PRDM5: variants seen among roughly 807,000 people sequenced by gnomAD.
PRDM5 encodes PR domain zinc finger protein 5.
A neutral mutation model predicts 81.2 loss-of-function variants in PRDM5; 56 were observed. The observed-to-expected ratio is 0.69, with a 90% CI of 0.56 to 0.86. The LOEUF (loss-of-function observed/expected upper bound fraction) is 0.86. Ranked by LOEUF, PRDM5 falls within the 40% of genes least tolerant of loss-of-function variation. PRDM5 has a pLI of 0.00. For missense variants in PRDM5, 697 were observed against 770.1 expected (o/e 0.91, Z 1.12); for synonymous variants, 267 against 256.4 (o/e 1.04, Z -0.39).
chr4:120,712,059 A>G (rs1737069481), intron 14 of PRDM5, among the ~76,000 whole-genome samples: 2 of 151,890 alleles, frequency 1.3e-5, no homozygotes, highest in African/African-American at 4.8e-5. Flanking sequence ...GCCAAGGCGG[A>G]CGAATTATCT....
chr4:120,812,673 T>C (rs1754000651), intron 7 of PRDM5: 3 of 266,540 alleles, frequency 1.1e-5, no homozygotes, highest in Admixed American at 5.8e-5. Flanking sequence ...TGGTTATTAA[T>C]CACTTGTCAG....
intron 7 of PRDM5, 143 bp from the exon 8 acceptor site, chr4:120,811,592 TAA>T (rs1469879417): frequency 3.9e-6 from 2 of 517,012 alleles, no homozygotes; most frequent in Non-Finnish European, 6.8e-6. Flanking sequence ...TCATTAAACT[TAA>T]AGAGTAAGTT....
At chr4:120,804,612 A>C (rs1578802619) in intron 8 of PRDM5, among the ~76,000 whole-genome samples, 2 of 152,232 alleles carry the variant, frequency 1.3e-5, no homozygotes, top group African/African-American at 4.8e-5. Flanking sequence ...TGGGTACATA[A>C]CAAAATGAAG....
intron 3 of PRDM5, among the ~76,000 whole-genome samples, chr4:120,822,657 C>T (rs1755439687): frequency 6.6e-6 from 1 of 152,104 alleles, no homozygotes; most frequent in Non-Finnish European, 1.5e-5. Context: ...CTATATTCAA[C>T]ATTGTCTTAG....
chr4:120,750,097 A>C (rs961536816), intron 14 of PRDM5, among the ~76,000 whole-genome samples: 1 of 152,224 alleles, frequency 6.6e-6, no homozygotes, highest in Non-Finnish European at 1.5e-5. Context: ...TGACTGAAAA[A>C]GTAAATTTTT....
chr4:120,712,017 G>A (rs1737062217), intron 14 of PRDM5, among the ~76,000 whole-genome samples: 2 of 152,152 alleles, frequency 1.3e-5, no homozygotes, highest in Non-Finnish European at 2.9e-5. Flanking sequence ...TGGGCATGGT[G>A]GCTCATGCCT....
intron 8 of PRDM5, chr4:120,810,475 A>G (rs1753679841): frequency 6.6e-6 from 1 of 152,160 alleles, no homozygotes; most frequent in Non-Finnish European, 1.5e-5. Flanking sequence ...CTCAGTGCTC[A>G]TTTTAGCAGC....
At chr4:120,768,512 T>C (rs976850655) in intron 13 of PRDM5, among the ~76,000 whole-genome samples, 1 of 152,182 alleles carries the variant, frequency 6.6e-6, no homozygotes, top group Non-Finnish European at 1.5e-5. Context: ...CATGGGAAAC[T>C]GATAAGCAAA....
intron 3 of PRDM5, among the ~76,000 whole-genome samples, chr4:120,827,451 G>A (rs1162617256): frequency 6.6e-6 from 1 of 151,962 alleles, no homozygotes; most frequent in Non-Finnish European, 1.5e-5. Context: ...TAGAGGCAGG[G>A]GCACCAACAA....
At chr4:120,831,900 G>C (rs1756764239) in intron 3 of PRDM5, among the ~76,000 whole-genome samples, 2 of 152,046 alleles carry the variant, frequency 1.3e-5, no homozygotes, top group South Asian at 2.1e-4. Flanking sequence ...AACTTAACAT[G>C]AATTGGTCCA....
At chr4:120,775,058 T>C (rs1263994269) in intron 13 of PRDM5, among the ~76,000 whole-genome samples, 1 of 151,254 alleles carries the variant, frequency 6.6e-6, no homozygotes, top group Non-Finnish European at 1.5e-5. Context: ...TATGTGTTAG[T>C]TCATTGTGCC....
chr4:120,739,560 G>A (rs1044491786), intron 14 of PRDM5, among the ~76,000 whole-genome samples: 2 of 152,126 alleles, frequency 1.3e-5, no homozygotes, highest in African/African-American at 4.8e-5. Flanking sequence ...CTCTACTCTT[G>A]TAACCTTAAC....
chr4:120,719,287 T>C (rs1738249397), intron 14 of PRDM5, among the ~76,000 whole-genome samples: 1 of 152,208 alleles, frequency 6.6e-6, no homozygotes, highest in African/African-American at 2.4e-5. Flanking sequence ...TCTCAAACTA[T>C]CTGTAATTAA....
chr4:120,911,225 A>G (rs946766546), intron 1 of PRDM5, among the ~76,000 whole-genome samples: 3 of 152,336 alleles, frequency 2.0e-5, no homozygotes, highest in Middle Eastern at 3.4e-3. Context: ...TGTGGACCCA[A>G]TGTTGCCAGA....
At chr4:120,859,416 G>C (rs954516181) in intron 2 of PRDM5, among the ~76,000 whole-genome samples, 5 of 151,848 alleles carry the variant, frequency 3.3e-5, no homozygotes, top group Non-Finnish European at 7.4e-5. Context: ...ATAAAGACAG[G>C]GTTTCCCTAT....
At chr4:120,822,750 CAG>C (rs1034310938) in intron 3 of PRDM5, among the ~76,000 whole-genome samples, 31 of 152,164 alleles carry the variant, frequency 2.0e-4, no homozygotes, top group African/African-American at 7.5e-4. Flanking sequence ...ATGGAAGAGA[CAG>C]AAATTATGAT....
At position 120,780,184 on chromosome 4, in the gene PRDM5, G is replaced by A. The variant is rs78180856; in HGVS notation, c.1443+959C>T. ...CTAAAGTTAACACTGCCTGAGTGCA[G>A]TGTCTCATGCCTGTAATTCCAGCAC... On this transcript the variant is annotated intron_variant, in intron 12 of 15. Coordinates refer to ENST00000264808, the MANE Select transcript of PRDM5 (RefSeq NM_018699.4). 8.7e-3 allele frequency among the ~76,000 whole-genome samples: 1,327 copies of A among 152,204 alleles called. 22 individuals carry two copies. The highest frequency in any genetic ancestry group is 0.03 in the African/African-American group (1,255 of 41,546).
chr4:120,802,370 G>A (rs1050311769), intron 8 of PRDM5, among the ~76,000 whole-genome samples: 3 of 152,186 alleles, frequency 2.0e-5, no homozygotes, highest in Admixed American at 6.5e-5. Flanking sequence ...CTGAGGTACC[G>A]GGTTCATCTC....
intron 2 of PRDM5, among the ~76,000 whole-genome samples, chr4:120,854,236 G>T (rs561640729): frequency 3.9e-5 from 6 of 152,106 alleles, no homozygotes; most frequent in Non-Finnish European, 8.8e-5. Flanking sequence ...TAACCCATTG[G>T]ACATTCTTGA....
Sources: gnomAD v4.1 joint callset for allele counts (sites outside exome capture counted in the v4.1 genomes callset) on GRCh38, gnomAD v4.1.1 for gene constraint, MANE v1.5 for transcripts, NCBI Gene and HGNC (gene_info 2026-07-23, HGNC 2026-07-21) for gene names.